THTPA: variants seen among roughly 807,000 people sequenced by gnomAD.
THTPA encodes the protein thiamine triphosphatase.
Under a neutral mutation model 16.5 loss-of-function variants are expected in THTPA, and 16 were observed. That is an observed-to-expected ratio of 0.97 (90% CI 0.66 to 1.47). The LOEUF is 1.47. Ranked by LOEUF, THTPA falls within the 40% of genes most tolerant of loss-of-function variation. The probability of loss-of-function intolerance (pLI) is 0.00; values close to 1 mark genes in which losing one functional copy is unlikely to be tolerated. For synonymous variants in THTPA, 110 were observed against 115.5 expected, an observed-to-expected ratio of 0.95 and a Z score of 0.30; for missense variants, 281 against 280.9, an observed-to-expected ratio of 1.00 and a Z score of 0.00.
chr14:23,512,617 G>T, the THTPA span, among the ~76,000 whole-genome samples: 1 of 146,852 alleles, frequency 6.8e-6, no homozygotes, highest in Non-Finnish European at 1.5e-5. Context: ...CCCTCTGCCT[G>T]CCATAAATAT....
At chr14:23,545,988 T>C in the THTPA span, among the ~76,000 whole-genome samples, 3 of 152,220 alleles carry the variant, frequency 2.0e-5, no homozygotes, top group Non-Finnish European at 4.4e-5. Context: ...AATTGACTCT[T>C]GACCTCTAGC....
chr14:23,550,843 G>A, the THTPA span, among the ~76,000 whole-genome samples: 1 of 151,556 alleles, frequency 6.6e-6, no homozygotes, highest in Non-Finnish European at 1.5e-5. Context: ...ACGCCCCAGC[G>A]CGCTAGCCCA....
At chr14:23,526,031 A>G in the THTPA span, 79 of 1,535,650 alleles carry the variant, frequency 5.1e-5, no homozygotes, top group Non-Finnish European at 2.4e-5. Context: ...CTCAGTGCCC[A>G]CCTCCCCCTC....
At chr14:23,550,298 T>G in the THTPA span, among the ~76,000 whole-genome samples, 1 of 152,172 alleles carries the variant, frequency 6.6e-6, no homozygotes, top group South Asian at 2.1e-4. Context: ...ATCATCCCAC[T>G]CCTCCAGGCC....
the THTPA span, chr14:23,533,977 C>T: frequency 2.0e-6 from 3 of 1,537,624 alleles, no homozygotes; most frequent in East Asian, 4.9e-5. This position sits in a 1 kb window ranked among gnomAD's most constrained non-coding sequence, Gnocchi z 4.8. Context: ...GAGTGTCTTG[C>T]AGGAGTTGCG....
At chr14:23,533,698 G>C in the THTPA span, 1 of 1,540,550 alleles carries the variant, frequency 6.5e-7, no homozygotes, top group Non-Finnish European at 8.7e-7. This position sits in a 1 kb window ranked among gnomAD's most constrained non-coding sequence, Gnocchi z 4.8. Context: ...CTGCCCACCA[G>C]GGCCCGCCTG....
the THTPA span, among the ~76,000 whole-genome samples, chr14:23,544,878 T>G: frequency 4.3e-4 from 66 of 152,282 alleles, no homozygotes; most frequent in South Asian, 6.4e-3. Flanking sequence ...ACCTTTTTTT[T>G]CTGCTCCTCC....
chr14:23,543,738 G>A, the THTPA span: 1 of 151,940 alleles, frequency 6.6e-6, no homozygotes, highest in African/African-American at 2.4e-5. Flanking sequence ...GTACCCATTT[G>A]TGACAACATC....
the THTPA span, chr14:23,533,229 C>G: frequency 2.8e-6 from 4 of 1,435,314 alleles, no homozygotes; most frequent in Non-Finnish European, 3.6e-6. The surrounding 1 kb of genome is among the most constrained non-coding windows in gnomAD (Gnocchi z 4.8). Context: ...GGAGAAAGCA[C>G]GGAATAGAGT....
At chr14:23,522,681 T>C in the THTPA span, 1 of 1,536,598 alleles carries the variant, frequency 6.5e-7, no homozygotes, top group Non-Finnish European at 8.7e-7. Context: ...ACAGTGGTCT[T>C]CAATGCTTTG....
At chr14:23,516,874 C>A in the THTPA span, among the ~76,000 whole-genome samples, 429 of 152,258 alleles carry the variant, frequency 2.8e-3, 2 homozygotes, top group South Asian at 0.016. Context: ...TCAGGGAGGA[C>A]TTGTAGATAT....
upstream of THTPA, among the ~76,000 whole-genome samples, chr14:23,554,621 C>G (rs144863609): frequency 2.2e-3 from 338 of 150,920 alleles, 2 homozygotes; most frequent in Middle Eastern, 6.8e-3. Context: ...CTCCTGGCCT[C>G]AAATGATCCT....
At chr14:23,531,771 C>T in the THTPA span, 4 of 1,275,832 alleles carry the variant, frequency 3.1e-6, no homozygotes, top group Non-Finnish European at 4.0e-6. Context: ...ACATGCCAGA[C>T]CTCAGGGGAC....
At chr14:23,522,982 TG>T in the THTPA span, 342 of 1,426,944 alleles carry the variant, frequency 2.4e-4, 5 homozygotes, top group Admixed American at 9.7e-3. Flanking sequence ...AGCCATCTCC[TG>T]TCCCATCATT....
chr14:23,550,450 G>C, the THTPA span, among the ~76,000 whole-genome samples: 17 of 152,340 alleles, frequency 1.1e-4, no homozygotes, highest in Non-Finnish European at 2.4e-4. Context: ...GACACATAGT[G>C]ATAGAGACAC....
the THTPA span, chr14:23,523,053 C>G: frequency 2.1e-6 from 3 of 1,406,456 alleles, no homozygotes; most frequent in Non-Finnish European, 1.8e-6. This position sits in a 1 kb window ranked among gnomAD's most constrained non-coding sequence, Gnocchi z 4.1. Context: ...GATTTCCATG[C>G]CCCTTCCCTC....
At chr14:23,532,711 T>A in the THTPA span, 1 of 1,534,370 alleles carries the variant, frequency 6.5e-7, no homozygotes, top group Non-Finnish European at 8.7e-7. Flanking sequence ...CTCCCAGGGA[T>A]GCTGGGGAAG....
the THTPA span, among the ~76,000 whole-genome samples, chr14:23,545,577 T>G: frequency 3.8e-3 from 585 of 152,328 alleles, 4 homozygotes; most frequent in African/African-American, 0.013. Context: ...TTCTCATCCT[T>G]CCCTGGCCTT....
chr14:23,522,110 G>C, the THTPA span: 1 of 1,534,374 alleles, frequency 6.5e-7, no homozygotes, highest in East Asian at 2.4e-5. Flanking sequence ...TTGAGGTGGG[G>C]CTGCCTTGCG....
Sources: gnomAD v4.1 joint callset for allele counts (sites outside exome capture counted in the v4.1 genomes callset) on GRCh38, gnomAD v4.1.1 for gene constraint, Gnocchi (gnomAD v3.1) non-coding constraint, MANE v1.5 for transcripts, NCBI Gene and HGNC (gene_info 2026-07-23, HGNC 2026-07-21) for gene names.